Variants in ITGAL observed in about 807,000 individuals in gnomAD.
ITGAL encodes integrin alpha-L.
In ITGAL, 68 loss-of-function variants were observed where a neutral mutation model predicts 138.4. That is an observed-to-expected ratio of 0.49 (90% CI 0.40 to 0.60). ITGAL has a LOEUF of 0.60. ITGAL is among the 20% of genes least tolerant of loss of function. ITGAL has a pLI of 0.00. For missense variants in ITGAL, 1,256 were observed against 1,478.6 expected (o/e 0.85, Z 2.47); for synonymous variants, 561 against 584.3 (o/e 0.96, Z 0.57).
Position 30,472,783 on chromosome 16 carries a change from C to CCA in ITGAL, c.-53_-52dup. 6.4e-7 allele frequency: 1 copy of CCA among 1,557,632 alleles called. No individual in the cohort carries two copies. Among genetic ancestry groups the CCA allele is most frequent in the South Asian group, 1.1e-5 (1 of 87,862 alleles). Reference sequence around the variant, plus strand: ...ACCCTGTCTAGGTTGCCAGCAAATCCCACGGGCCTCCTGACGCTGCCCCTG... The same window carrying CCA: ...ACCCTGTCTAGGTTGCCAGCAAATCCCACACGGGCCTCCTGACGCTGCCCCTG... On this transcript the variant is annotated 5_prime_UTR_variant, in exon 1 of 31. Coordinates refer to ENST00000356798, the MANE Select transcript of ITGAL (RefSeq NM_002209.3).
At chr16:30,521,406 CAAAA>C in intron 30 of ITGAL, 82 bp from the exon 31 acceptor site, 4 of 1,021,168 alleles carry the variant, frequency 3.9e-6, no homozygotes, top group Non-Finnish European at 2.8e-6. Flanking sequence ...GACTCCATCT[CAAAA>C]AAAAAAAAAG....
intron 20 of ITGAL, 43 bp from the exon 21 acceptor site, chr16:30,506,672 C>T (rs898703957): frequency 1.3e-6 from 2 of 1,577,214 alleles, no homozygotes; most frequent in Non-Finnish European, 1.7e-6. Context: ...TATTCCCCAC[C>T]CTGATCCTCC....
intron 9 of ITGAL, among the ~76,000 whole-genome samples, chr16:30,485,886 C>A (rs559383792): frequency 3.5e-4 from 53 of 152,066 alleles, no homozygotes; most frequent in Non-Finnish European, 6.9e-4. Flanking sequence ...TCAGGTTGAT[C>A]TAGGACTGAC....
At chr16:30,491,968 G>A (rs1009095712) in intron 11 of ITGAL, among the ~76,000 whole-genome samples, 4 of 152,114 alleles carry the variant, frequency 2.6e-5, no homozygotes, top group African/African-American at 7.2e-5. Context: ...ATAGGGAAGC[G>A]GTTCCGTCTC....
Position 30,506,821 on chromosome 16 carries a change from C to A in ITGAL, c.2473C>A (p.Pro825Thr), listed in dbSNP as rs1438986065. Residue 825 changes from proline (P) to threonine (T), a missense_variant, in exon 21 of 31, where the codon CCG becomes ACG. By Grantham distance (38) the Pro-to-Thr change is conservative. Coordinates refer to ENST00000356798, the MANE Select transcript of ITGAL (RefSeq NM_002209.3). ...YWVQLDLHFP[P>T]GLSFRKVEML... ...GGTCCAGCTGGACCTGCACTTCCCC[C>A]CGGGACTCTCCTTCCGCAAGGTGGA... 4 of 1,613,974 alleles carry A rather than the reference C, an allele frequency of 2.5e-6. No individual in the cohort carries two copies. Among genetic ancestry groups the A allele is most frequent in the Middle Eastern group, 3.3e-4 (2 of 6,062 alleles).
In ITGAL at chr16:30,505,311, A is replaced by C; in HGVS notation, c.2292+11A>C. The stretch of plus-strand genomic sequence containing the variant: ...TCGGAAACCTGGGAGGTAAGAGGGG[A>C]GAAGGGGCAGGCAGAGAGGCCTGGG... On this transcript the variant is annotated intron_variant, in intron 19 of 30. Coordinates refer to ENST00000356798, the MANE Select transcript of ITGAL (RefSeq NM_002209.3). 1 of 1,612,960 alleles carries C rather than the reference A, an allele frequency of 6.2e-7. No individual in the cohort carries two copies. The highest frequency in any genetic ancestry group is 8.5e-7 in the Non-Finnish European group (1 of 1,179,368).
chr16:30,494,417 C>T lies in ITGAL; in HGVS notation c.1365+54C>T. The T allele has an allele frequency of 1.5e-5, 23 of 1,531,534 alleles. 1 individual carries two copies. In the South Asian group the frequency reaches 2.3e-4, roughly 15 times the overall value. 94.9% of individuals were successfully genotyped at this position (1,531,534 alleles called of 1,614,324 possible). On this transcript the variant is annotated intron_variant, in intron 12 of 30. Transcript: ENST00000356798. The surrounding 1 kb of genome is among the most constrained non-coding windows in gnomAD (Gnocchi z 4.2). Reference sequence around the variant, plus strand: ...CCAGGGACTGGCGGGACACACATCACACTCCCTTCTGTCCTTTGAATGCTC... The same window carrying T: ...CCAGGGACTGGCGGGACACACATCATACTCCCTTCTGTCCTTTGAATGCTC...
rs772418818 is a variant in ITGAL, at chr16:30,494,203, T to C, written c.1214-9T>C. The C allele has an allele frequency of 5.0e-6, 8 of 1,588,594 alleles. No individual in the cohort carries two copies. The highest frequency in any genetic ancestry group is 6.9e-6 in the Non-Finnish European group (8 of 1,162,102). On this transcript the variant is annotated splice_polypyrimidine_tract_variant and intron_variant, in intron 11 of 30. Transcript: ENST00000356798. The surrounding 1 kb of genome is among the most constrained non-coding windows in gnomAD (Gnocchi z 4.2). ...GTTCCTAACTCCACACCCCACACAC[T>C]TTCCTCAGGTTACACCGTGACCTGG...
intron 24 of ITGAL, among the ~76,000 whole-genome samples, 194 bp from the exon 25 acceptor site, chr16:30,513,577 A>G (rs2051121917): frequency 6.6e-6 from 1 of 152,182 alleles, no homozygotes; most frequent in African/African-American, 2.4e-5. Flanking sequence ...CTGTCTCTCC[A>G]CTGTGGAGAA....
intron 24 of ITGAL, among the ~76,000 whole-genome samples, chr16:30,511,613 A>C (rs989262614): frequency 6.6e-6 from 1 of 152,164 alleles, no homozygotes; most frequent in African/African-American, 2.4e-5. Flanking sequence ...TGTTTCAGTC[A>C]CCCTAGATTC....
chr16:30,493,337 T>C (rs2050752537), intron 11 of ITGAL, among the ~76,000 whole-genome samples: 1 of 151,778 alleles, frequency 6.6e-6, no homozygotes. Flanking sequence ...TGGAGTGTAG[T>C]AGCGAAATCT....
intron 24 of ITGAL, 43 bp from the exon 25 acceptor site, chr16:30,513,728 G>T: frequency 6.7e-7 from 1 of 1,497,932 alleles, no homozygotes; most frequent in Non-Finnish European, 9.3e-7. Context: ...AGCCCGGGTT[G>T]CTGTCACTTC....
chr16:30,499,733 A>ATTTTTTTTT (rs1193634387), intron 17 of ITGAL, among the ~76,000 whole-genome samples: 23 of 88,360 alleles, frequency 2.6e-4, no homozygotes, highest in African/African-American at 1.4e-3. Context: ...ATATATATAT[A>ATTTTTTTTT]TTTTTTTTTT....
intron 11 of ITGAL, among the ~76,000 whole-genome samples, chr16:30,493,466 C>T (rs911689176): frequency 1.5e-4 from 22 of 151,694 alleles, no homozygotes; most frequent in African/African-American, 4.4e-4. Flanking sequence ...TTAGTAGAGA[C>T]GGCGTTTCAC....
intron 13 of ITGAL, among the ~76,000 whole-genome samples, chr16:30,495,438 C>CG (rs2050785757): frequency 6.6e-6 from 1 of 152,122 alleles, no homozygotes; most frequent in Non-Finnish European, 1.5e-5. Context: ...GGATTACAGG[C>CG]GTGAGCCGCT....
Position 30,499,463 on chromosome 16 carries a change from T to G in ITGAL, c.2119T>G (p.Cys707Gly). 6.2e-7 allele frequency: 1 copy of G among 1,613,850 alleles called. No individual in the cohort carries two copies. Among genetic ancestry groups the G allele is most frequent in the Non-Finnish European group, 8.5e-7 (1 of 1,180,006 alleles). ...RNIAVTTSMS[C>G]TDFSFHFPVC... ...TATAGCTGTCACCACCAGCATGTCATGCACTGACTTCTCATTTCATTTCCC... is the reference window on the plus strand; with the variant it reads ...TATAGCTGTCACCACCAGCATGTCAGGCACTGACTTCTCATTTCATTTCCC... Residue 707 changes from cysteine to glycine, a missense_variant, in exon 17 of 31, where the codon TGC becomes GGC. Physicochemically the swap from Cys to Gly is radical, Grantham distance 159. Around this residue, in one of 3 missense-constraint regions of ITGAL, gnomAD observed 867 missense variants for 972.5 expected, o/e 0.89. Coordinates refer to ENST00000356798, the MANE Select transcript of ITGAL (RefSeq NM_002209.3).
Position 30,489,390 on chromosome 16 carries a change from A to G in ITGAL, c.1213+4A>G. On this transcript the variant is annotated splice_donor_region_variant and intron_variant, in intron 11 of 30. Transcript: ENST00000356798. ...GAAGTGAGAGCAGGCTATTTGGGTG[A>G]GTACTTCTCTTTTCTGCTGGGATCT... 1 of 1,613,898 alleles carries G rather than the reference A, an allele frequency of 6.2e-7. No individual in the cohort carries two copies. The highest frequency in any genetic ancestry group is 8.5e-7 in the Non-Finnish European group (1 of 1,179,784).
At chr16:30,488,702 CAAA>C (rs34533619) in intron 9 of ITGAL, among the ~76,000 whole-genome samples, 4 of 57,694 alleles carry the variant, frequency 6.9e-5, no homozygotes, top group Non-Finnish European at 9.9e-5. Flanking sequence ...GACTCCATCT[CAAA>C]AAAAAAAAAA....
At chr16:30,491,802 C>T (rs563864613) in intron 11 of ITGAL, among the ~76,000 whole-genome samples, 193 of 152,160 alleles carry the variant, frequency 1.3e-3, no homozygotes, top group Non-Finnish European at 2.3e-3. Flanking sequence ...AGCCTCTTCC[C>T]TTTTTGTAGA....
Sources: allele counts gnomAD v4.1 joint callset (sites outside exome capture counted in the v4.1 genomes callset), GRCh38; gene constraint gnomAD v4.1.1; regional missense constraint gnomAD v4.1.1; non-coding constraint Gnocchi (gnomAD v3.1); transcripts MANE v1.5; gene names NCBI Gene and HGNC (gene_info 2026-07-23, HGNC 2026-07-21).